The following ZFAND3 variants were observed in gnomAD, a reference collection of about 807,000 sequenced individuals.
ZFAND3 encodes zinc finger AN1-type containing 3.
Under a neutral mutation model 29.6 loss-of-function variants are expected in ZFAND3, and 10 were observed. That is an observed-to-expected ratio of 0.34 (90% CI 0.21 to 0.57). ZFAND3 has a LOEUF of 0.57. ZFAND3 is among the 20% of genes least tolerant of loss of function. ZFAND3 has a pLI of 0.86. For synonymous variants in ZFAND3, 128 were observed against 112.6 expected (o/e 1.14, Z -0.87); for missense variants, 230 against 304.5 (o/e 0.76, Z 1.82).
chr6:37,955,244 T>G (rs1035320798), intron 2 of ZFAND3, among the ~76,000 whole-genome samples: 1 of 152,172 alleles, frequency 6.6e-6, no homozygotes, highest in African/African-American at 2.4e-5. Flanking sequence ...CTATTGGTTG[T>G]TTAAGACAGG....
chr6:37,882,432 C>T (rs1173410600), intron 1 of ZFAND3, among the ~76,000 whole-genome samples: 1 of 152,138 alleles, frequency 6.6e-6, no homozygotes, highest in African/African-American at 2.4e-5. Flanking sequence ...GCTCCCAGGC[C>T]TAGGGTCCCT....
chr6:38,038,210 A>T (rs1763695291), intron 2 of ZFAND3, among the ~76,000 whole-genome samples: 1 of 152,172 alleles, frequency 6.6e-6, no homozygotes. Context: ...TGAATACCCT[A>T]AAAGTAGAAG....
At chr6:37,912,893 C>T (rs1765547722) in intron 1 of ZFAND3, among the ~76,000 whole-genome samples, 1 of 152,134 alleles carries the variant, frequency 6.6e-6, no homozygotes. Context: ...TCCTGACCAC[C>T]ACAGTATAGC....
At chr6:37,944,827 A>C (rs1029923373) in intron 2 of ZFAND3, among the ~76,000 whole-genome samples, 1 of 152,238 alleles carries the variant, frequency 6.6e-6, no homozygotes, top group Admixed American at 6.5e-5. Context: ...TAGGAATTCA[A>C]GGATGAGTTG....
At chr6:38,025,010 T>C (rs1274885071) in intron 2 of ZFAND3, among the ~76,000 whole-genome samples, 1 of 152,246 alleles carries the variant, frequency 6.6e-6, no homozygotes, top group African/African-American at 2.4e-5. Context: ...TTATTTCTCC[T>C]TTGGTTAAAT....
intron 1 of ZFAND3, among the ~76,000 whole-genome samples, chr6:37,824,746 A>AT (rs1763729066): frequency 6.6e-6 from 1 of 152,204 alleles, no homozygotes; most frequent in Non-Finnish European, 1.5e-5. Flanking sequence ...GACAAAGCAA[A>AT]TATCATATGG....
rs1581685294 is a variant in ZFAND3 at position 37,820,011 on chromosome 6, C to T, written c.66C>T (p.Phe22=). 10 of 1,148,502 alleles carry T rather than the reference C, an allele frequency of 8.7e-6. No individual in the cohort carries two copies. In the South Asian group the frequency reaches 1.3e-4, roughly 15 times the overall value. The allele number at this position is 1,148,502 out of a possible 1,614,324, so 71.1% of individuals were successfully genotyped here. A position where few individuals can be genotyped will look rare whatever the true frequency, so the allele number is the denominator to read the frequency against. Residue 22 remains phenylalanine (F), a synonymous_variant, in exon 1 of 6, where the codon TTC becomes TTT. Coordinates refer to ENST00000287218, the MANE Select transcript of ZFAND3 (RefSeq NM_021943.3). ...TGCCGCCTCGCTGTCCCTGCGGCTT[C>T]TGGGGGTAAGTGCCCGGCCGGGTGG... The part of the protein sequence containing the change: ...PSLPPRCPCG[F]WGSSKTMNLC...
chr6:38,026,244 A>G (rs1453761934), intron 2 of ZFAND3, among the ~76,000 whole-genome samples: 1 of 151,982 alleles, frequency 6.6e-6, no homozygotes, highest in African/African-American at 2.4e-5. Flanking sequence ...ACTTTTCTTC[A>G]TAAATCCTGT....
At chr6:37,937,653 C>CAAAAAAAAAAAAA (rs71542151) in intron 2 of ZFAND3, among the ~76,000 whole-genome samples, 1 of 85,488 alleles carries the variant, frequency 1.2e-5, no homozygotes, top group Non-Finnish European at 2.1e-5. Flanking sequence ...GACTCCGTCT[C>CAAAAAAAAAAAAA]AAAAAAAAAA....
At chr6:38,117,840 C>G (rs1266816394) in intron 5 of ZFAND3, among the ~76,000 whole-genome samples, 1 of 152,176 alleles carries the variant, frequency 6.6e-6, no homozygotes, top group Non-Finnish European at 1.5e-5. Flanking sequence ...GCTACGGTTC[C>G]TCAATTATCT....
chr6:38,140,048 A>T (rs1765918391), intron 5 of ZFAND3, among the ~76,000 whole-genome samples: 1 of 152,188 alleles, frequency 6.6e-6, no homozygotes, highest in Admixed American at 6.5e-5. Flanking sequence ...GTCATGAGCC[A>T]CTGGCTGCAT....
chr6:37,851,000 A>G (rs1227865772), intron 1 of ZFAND3, among the ~76,000 whole-genome samples: 3 of 145,190 alleles, frequency 2.1e-5, no homozygotes, highest in African/African-American at 7.7e-5. Flanking sequence ...CATCACTGTC[A>G]CCCTAATTCA....
chr6:38,131,685 A>C (rs1236462812), intron 5 of ZFAND3, among the ~76,000 whole-genome samples: 5 of 152,238 alleles, frequency 3.3e-5, no homozygotes, highest in Non-Finnish European at 5.9e-5. Flanking sequence ...AGACTCAAAA[A>C]ATCTCAGCAG....
At chr6:37,995,520 A>G (rs1376198961) in intron 2 of ZFAND3, among the ~76,000 whole-genome samples, 5 of 152,062 alleles carry the variant, frequency 3.3e-5, no homozygotes, top group African/African-American at 1.2e-4. Context: ...AGTGATCATT[A>G]TTTCTTCACC....
chr6:38,058,843 GAT>G (rs1764180828), intron 2 of ZFAND3, among the ~76,000 whole-genome samples: 1 of 152,170 alleles, frequency 6.6e-6, no homozygotes, highest in African/African-American at 2.4e-5. Context: ...TTTTCCTGAT[GAT>G]TAACATAAAT....
intron 1 of ZFAND3, among the ~76,000 whole-genome samples, chr6:37,853,267 T>C (rs915903871): frequency 2.6e-5 from 4 of 152,008 alleles, no homozygotes; most frequent in Admixed American, 2.0e-4. Context: ...AATTGCATCA[T>C]GGAAGATCAG....
At chr6:37,829,494 T>C (rs1467659193) in intron 1 of ZFAND3, among the ~76,000 whole-genome samples, 2 of 150,878 alleles carry the variant, frequency 1.3e-5, no homozygotes, top group East Asian at 2.0e-4. Flanking sequence ...AAGATTGCAC[T>C]ACTGCACTCC....
intron 1 of ZFAND3, among the ~76,000 whole-genome samples, chr6:37,853,850 C>G (rs943105672): frequency 6.6e-6 from 1 of 152,124 alleles, no homozygotes; most frequent in African/African-American, 2.4e-5. Context: ...GGGGAAAACA[C>G]TAATCTTACA....
chr6:38,134,555 T>A (rs992359547), intron 5 of ZFAND3, among the ~76,000 whole-genome samples: 1 of 152,202 alleles, frequency 6.6e-6, no homozygotes, highest in African/African-American at 2.4e-5. Context: ...TCCTTGAGCT[T>A]GATAGCTTCT....
Sources: allele counts gnomAD v4.1 joint callset (sites outside exome capture counted in the v4.1 genomes callset), GRCh38; gene constraint gnomAD v4.1.1; transcripts MANE v1.5; gene names NCBI Gene and HGNC (gene_info 2026-07-23, HGNC 2026-07-21).